Variants in AKT2 observed in about 807,000 individuals in gnomAD.
AKT2 encodes the protein RAC-beta serine/threonine-protein kinase.
A neutral mutation model predicts 58.6 loss-of-function variants in AKT2; 16 were observed. That is an observed-to-expected ratio of 0.27 (90% CI 0.18 to 0.41). The LOEUF (loss-of-function observed/expected upper bound fraction) is 0.41, where lower values mean the gene tolerates loss of function less well. AKT2 is among the 10% of genes least tolerant of loss of function. The pLI, the probability that AKT2 is intolerant of heterozygous loss-of-function variation, is 1.00. For synonymous variants in AKT2, 253 were observed against 254.0 expected (o/e 1.00, Z 0.04); for missense variants, 438 against 661.0 (o/e 0.66, Z 3.70).
In AKT2 at chr19:40,234,077, T is replaced by A; in HGVS notation, c.1367-126A>T. 2 of 956,480 alleles carry A rather than the reference T, an allele frequency of 2.1e-6. No homozygotes were observed. The highest frequency in any genetic ancestry group is 3.1e-6 in the Non-Finnish European group (2 of 652,980). The allele number at this position is 956,480 out of a possible 1,614,324, so 59.2% of individuals were successfully genotyped here. On this transcript the variant is annotated intron_variant, in intron 13 of 13. Transcript: ENST00000392038. The surrounding 1 kb of genome is among the most constrained non-coding windows in gnomAD (Gnocchi z 4.7). ...CACAGGACAGGACAGGAAAGGCCCA[T>A]CCCTCCGCAATGGAGGCCCTCAGCC...
intron 1 of AKT2, among the ~76,000 whole-genome samples, chr19:40,284,073 T>A (rs906385040): frequency 6.6e-6 from 1 of 152,082 alleles, no homozygotes; most frequent in African/African-American, 2.4e-5. Context: ...TAGGAGTGGA[T>A]GAAGTTGAAA....
intron 6 of AKT2, chr19:40,241,645 G>A (rs937547567): frequency 3.5e-5 from 16 of 457,556 alleles, no homozygotes; most frequent in African/African-American, 5.9e-5. Flanking sequence ...CAACAGCGAC[G>A]TCCTCCCCAA....
intron 6 of AKT2, 181 bp downstream of exon 6, chr19:40,241,757 C>T: frequency 1.1e-6 from 1 of 935,478 alleles, no homozygotes; most frequent in Non-Finnish European, 1.6e-6. Flanking sequence ...GGTGGGGACT[C>T]AGCAGCAAGG....
chr19:40,256,511 G>A (rs138297568), intron 3 of AKT2, among the ~76,000 whole-genome samples: 134 of 152,336 alleles, frequency 8.8e-4, no homozygotes, highest in Admixed American at 1.9e-3. Flanking sequence ...ATTACAGAGG[G>A]ACAGAGGACG....
At chr19:40,284,738 G>C (rs1040447239) in intron 1 of AKT2, 1 of 153,946 alleles carries the variant, frequency 6.5e-6, no homozygotes, top group African/African-American at 2.4e-5. Flanking sequence ...CCACAGTTGG[G>C]GAAGCATCCT....
chr19:40,265,197 C>A (rs761324020), intron 2 of AKT2, 25 bp downstream of exon 2: 1 of 1,610,200 alleles, frequency 6.2e-7, no homozygotes, highest in Non-Finnish European at 8.5e-7. Context: ...GAGAAAGAAT[C>A]TGGCGGGCAA....
chr19:40,267,865 A>C (rs1976471925), intron 1 of AKT2, among the ~76,000 whole-genome samples: 1 of 152,116 alleles, frequency 6.6e-6, no homozygotes, highest in Non-Finnish European at 1.5e-5. Flanking sequence ...GGTGGTGGGG[A>C]GGCTGGAGAG....
intron 7 of AKT2, chr19:40,239,486 A>C (rs1974249460): frequency 3.3e-6 from 1 of 303,346 alleles, no homozygotes; most frequent in Non-Finnish European, 6.4e-6. Flanking sequence ...TTCTGCACTG[A>C]GGTACCTCAT....
intron 1 of AKT2, among the ~76,000 whole-genome samples, chr19:40,282,014 G>A (rs1339453646): frequency 6.6e-6 from 1 of 152,166 alleles, no homozygotes; most frequent in African/African-American, 2.4e-5. Flanking sequence ...GAGTGGCACG[G>A]CTGGATTTGA....
chr19:40,233,996 C>CAGGTGTCCCAGGCCCT lies in AKT2; in HGVS notation c.1367-46_1367-45insAGGGCCTGGGACACCT. 1 of 1,585,128 alleles carries CAGGTGTCCCAGGCCCT rather than the reference C, an allele frequency of 6.3e-7. No homozygotes were observed. Among genetic ancestry groups the CAGGTGTCCCAGGCCCT allele is most frequent in the Non-Finnish European group, 8.6e-7 (1 of 1,165,568 alleles). On this transcript the variant is annotated intron_variant, in intron 13 of 13. Coordinates refer to ENST00000392038, the MANE Select transcript of AKT2 (RefSeq NM_001626.6). The surrounding 1 kb of genome is among the most constrained non-coding windows in gnomAD (Gnocchi z 4.3). ...ATGGGGAGGACCAGTCAGGAGAGGG[C>CAGGTGTCCCAGGCCCT]CTGGGACACCTGCCCAGACTCCCTG...
chr19:40,282,278 C>G (rs1256924314), intron 1 of AKT2: 1 of 342,518 alleles, frequency 2.9e-6, no homozygotes, highest in Admixed American at 4.0e-5. Flanking sequence ...CTCACAACAG[C>G]CCAAGGTGGA....
At chr19:40,265,579 G>A (rs757871658) in intron 1 of AKT2, 13 of 532,766 alleles carry the variant, frequency 2.4e-5, no homozygotes, top group African/African-American at 5.7e-5. Context: ...CGGCCTAAGC[G>A]CAGGCCAGAC....
intron 1 of AKT2, among the ~76,000 whole-genome samples, chr19:40,284,312 A>C (rs2077475572): frequency 6.6e-6 from 1 of 152,098 alleles, no homozygotes; most frequent in Non-Finnish European, 1.5e-5. Flanking sequence ...TCCTCTTCAG[A>C]ATGTTAAGGC....
At position 40,256,995 on chromosome 19, in the gene AKT2, T is replaced by C; in HGVS notation, c.106A>G (p.Ile36Val). Reference sequence around the variant, plus strand: ...GCCTCGGGCCTCTCCTTGTACCCAATGAAGGAGCCGTCGCTCTTCAGCAGG... The same window carrying C: ...GCCTCGGGCCTCTCCTTGTACCCAACGAAGGAGCCGTCGCTCTTCAGCAGG... ...YFLLKSDGSFIGYKERPEAPD... is the reference protein window; with the variant it reads ...YFLLKSDGSFVGYKERPEAPD... Residue 36 changes from isoleucine to valine, a missense_variant, in exon 3 of 14, where the codon ATT becomes GTT. Ile to Val is a conservative substitution (Grantham distance 29, BLOSUM62 3). Transcript: ENST00000392038. 1 of 1,614,182 alleles carries C rather than the reference T, an allele frequency of 6.2e-7. No homozygotes were observed. Among genetic ancestry groups the C allele is most frequent in the Non-Finnish European group, 8.5e-7 (1 of 1,179,994 alleles).
chr19:40,256,976 G>T lies in AKT2; in HGVS notation c.125C>A (p.Pro42His). The change falls in exon 3 of 14, where the codon CCC becomes CAC. Residue 42 changes from proline (P) to histidine (H), a missense_variant. Physicochemically the swap from Pro to His is moderately conservative, Grantham distance 77 (BLOSUM62 -2). This residue lies in a region of AKT2 where 244 missense variants were observed against 347.1 expected (regional missense o/e 0.70). Transcript: ENST00000392038. ...GGGTAGAGTCTGATCAGGGGCCTCG[G>T]GCCTCTCCTTGTACCCAATGAAGGA... ...DGSFIGYKER[P>H]EAPDQTLPPL... The T allele has an allele frequency of 6.2e-7, 1 of 1,614,152 alleles. No individual in the cohort carries two copies. The highest frequency in any genetic ancestry group is 8.5e-7 in the Non-Finnish European group (1 of 1,180,014).
intron 4 of AKT2, chr19:40,243,289 C>G (rs923684673): frequency 1.3e-5 from 2 of 156,618 alleles, no homozygotes; most frequent in Non-Finnish European, 2.8e-5. Flanking sequence ...GAGCCACCAC[C>G]CTGAGCCTTG....
chr19:40,265,367 G>A lies in AKT2; in HGVS notation c.-84-16C>T. On this transcript the variant is annotated splice_polypyrimidine_tract_variant and intron_variant, in intron 1 of 13. Transcript: ENST00000392038. Reference sequence around the variant, plus strand: ...AGGGCACAGTCTGCAAGACAAGAGAGGAGCTGGTCAGGGCGGGAGGGGATT... The same window carrying A: ...AGGGCACAGTCTGCAAGACAAGAGAAGAGCTGGTCAGGGCGGGAGGGGATT... The A allele has an allele frequency of 6.4e-7, 1 of 1,555,558 alleles. No homozygotes were observed. The highest frequency in any genetic ancestry group is 8.7e-7 in the Non-Finnish European group (1 of 1,153,406).
chr19:40,250,965 G>A (rs139008246), intron 4 of AKT2, among the ~76,000 whole-genome samples: 322 of 152,280 alleles, frequency 2.1e-3, no homozygotes, highest in African/African-American at 7.3e-3. Context: ...CACTTTGGGA[G>A]GTGGAGGAGG....
At chr19:40,275,445 TG>T (rs1568572206) in intron 1 of AKT2, 3 of 388,972 alleles carry the variant, frequency 7.7e-6, no homozygotes, top group Non-Finnish European at 1.6e-5. Flanking sequence ...GCACCAGGCA[TG>T]GATTAATGTT....
Sources: gnomAD v4.1 joint callset for allele counts (sites outside exome capture counted in the v4.1 genomes callset) on GRCh38, gnomAD v4.1.1 for gene constraint, gnomAD v4.1.1 regional missense constraint, Gnocchi (gnomAD v3.1) non-coding constraint, MANE v1.5 for transcripts, NCBI Gene and HGNC (gene_info 2026-07-23, HGNC 2026-07-21) for gene names.